The following SMOC1 variants were observed in gnomAD, a reference collection of about 807,000 sequenced individuals.
SMOC1 encodes the protein SPARC related modular calcium binding 1.
In SMOC1, 22 loss-of-function variants were observed where a neutral mutation model predicts 56.3. That is an observed-to-expected ratio of 0.39 (90% CI 0.28 to 0.56). The LOEUF (loss-of-function observed/expected upper bound fraction) is 0.56, where lower values mean the gene tolerates loss of function less well. Among genes scored for constraint, SMOC1 ranks in the 20% least tolerant of loss-of-function variants. The pLI is 0.61. For missense variants in SMOC1, 509 were observed against 565.4 expected (o/e 0.90, Z 1.01); for synonymous variants, 193 against 215.0 (o/e 0.90, Z 0.89).
chr14:70,001,610 G>A (rs1455810894), intron 7 of SMOC1, among the ~76,000 whole-genome samples: 1 of 152,170 alleles, frequency 6.6e-6, no homozygotes, highest in Non-Finnish European at 1.5e-5. Context: ...GTCAGCTACT[G>A]GAGTCCTGTT....
intron 1 of SMOC1, among the ~76,000 whole-genome samples, chr14:69,910,802 C>G (rs1884538449): frequency 6.6e-6 from 1 of 152,110 alleles, no homozygotes; most frequent in African/African-American, 2.4e-5. Context: ...AGGGATTAAC[C>G]CTGGATATTC....
intron 11 of SMOC1, among the ~76,000 whole-genome samples, chr14:70,023,884 T>A (rs1885831732): frequency 6.6e-6 from 1 of 151,928 alleles, no homozygotes; most frequent in Non-Finnish European, 1.5e-5. Flanking sequence ...CAGGGATTGC[T>A]CTATGCAGTC....
chr14:69,896,041 G>A (rs1345130676), intron 1 of SMOC1, among the ~76,000 whole-genome samples: 1 of 152,010 alleles, frequency 6.6e-6, no homozygotes, highest in Non-Finnish European at 1.5e-5. Flanking sequence ...ACACAGTCTT[G>A]CTATATTGTC....
chr14:69,989,450 G>T (rs776123909), intron 5 of SMOC1, among the ~76,000 whole-genome samples: 12 of 152,124 alleles, frequency 7.9e-5, no homozygotes, highest in Non-Finnish European at 1.5e-4. Flanking sequence ...TTTTAATTTT[G>T]TAAACCCAAT....
rs371120984 is a variant in SMOC1 at position 69,903,234 on chromosome 14, C to T, written c.99+23457C>T. Among the ~76,000 whole-genome samples, 317 of 152,226 alleles carry T rather than the reference C, an allele frequency of 2.1e-3. 1 individual carries two copies. The highest frequency in any genetic ancestry group is 7.1e-3 in the South Asian group (34 of 4,812). ...GGGGAGCCCCTCTGCCCCGCCGCCCCGTCTGGGATGTGAGGAGCGCCTCTG... is the reference window on the plus strand; with the variant it reads ...GGGGAGCCCCTCTGCCCCGCCGCCCTGTCTGGGATGTGAGGAGCGCCTCTG... On this transcript the variant is annotated intron_variant, in intron 1 of 11. Transcript: ENST00000361956.
intron 7 of SMOC1, among the ~76,000 whole-genome samples, chr14:70,000,733 T>C (rs1238950749): frequency 6.6e-6 from 1 of 152,218 alleles, no homozygotes; most frequent in Non-Finnish European, 1.5e-5. Context: ...CGGTCACCAC[T>C]TCAGACCATG....
intron 5 of SMOC1, among the ~76,000 whole-genome samples, chr14:69,981,572 T>C (rs908780296): frequency 6.6e-6 from 1 of 152,136 alleles, no homozygotes; most frequent in Non-Finnish European, 1.5e-5. Flanking sequence ...CATTCACATG[T>C]GTTTTATGGA....
At chr14:69,967,309 G>A (rs770033252) in intron 3 of SMOC1, among the ~76,000 whole-genome samples, 2 of 152,218 alleles carry the variant, frequency 1.3e-5, no homozygotes, top group African/African-American at 2.4e-5. Flanking sequence ...GGCATAAAGT[G>A]GGAGACAATG....
intron 1 of SMOC1, among the ~76,000 whole-genome samples, chr14:69,942,050 C>A: frequency 6.6e-6 from 1 of 152,212 alleles, no homozygotes; most frequent in East Asian, 1.9e-4. Context: ...CCTATCCTCT[C>A]TTTTCCTTTC....
At chr14:69,942,971 C>T (rs1404652670) in intron 1 of SMOC1, among the ~76,000 whole-genome samples, 1 of 152,176 alleles carries the variant, frequency 6.6e-6, no homozygotes, top group Non-Finnish European at 1.5e-5. Context: ...AGAGCCTTCT[C>T]CCCTGGGCCC....
At chr14:69,986,818 G>T (rs1192867905) in intron 5 of SMOC1, among the ~76,000 whole-genome samples, 1 of 152,158 alleles carries the variant, frequency 6.6e-6, no homozygotes, top group Non-Finnish European at 1.5e-5. Flanking sequence ...ACTTCTTTTG[G>T]GAGGGAACAT....
chr14:69,911,624 T>C (rs1450869969), intron 1 of SMOC1, among the ~76,000 whole-genome samples: 1 of 152,254 alleles, frequency 6.6e-6, no homozygotes, highest in African/African-American at 2.4e-5. Flanking sequence ...ATTTTGAGTC[T>C]GGCTGCTTTC....
At chr14:69,885,475 G>T in intron 1 of SMOC1, 1 of 1,600,768 alleles carries the variant, frequency 6.2e-7, no homozygotes. Context: ...AATTGGTCCT[G>T]ATAGCTTCCA....
chr14:69,999,844 C>T (rs1884903301), intron 7 of SMOC1, among the ~76,000 whole-genome samples: 1 of 152,196 alleles, frequency 6.6e-6, no homozygotes, highest in East Asian at 1.9e-4. Context: ...GCTCCTTTGC[C>T]CCATGTTGTC....
intron 7 of SMOC1, 96 bp downstream of exon 7, chr14:69,994,576 T>C: frequency 1.0e-5 from 10 of 964,422 alleles, no homozygotes; most frequent in Non-Finnish European, 1.7e-5. Flanking sequence ...GAAAAATCAT[T>C]TAATCTGTCT....
intron 3 of SMOC1, among the ~76,000 whole-genome samples, chr14:69,953,925 C>T (rs953555636): frequency 1.3e-5 from 2 of 152,240 alleles, no homozygotes; most frequent in Admixed American, 6.5e-5. Context: ...TTGCTACCCC[C>T]TGCCCTCCCT....
chr14:69,934,925 G>A (rs1885258103), intron 1 of SMOC1, among the ~76,000 whole-genome samples: 2 of 152,162 alleles, frequency 1.3e-5, no homozygotes, highest in African/African-American at 4.8e-5. Flanking sequence ...TACCTCTTGG[G>A]TGGTTGTCAG....
intron 11 of SMOC1, among the ~76,000 whole-genome samples, chr14:70,024,834 T>C (rs1418821684): frequency 1.3e-5 from 2 of 152,182 alleles, no homozygotes; most frequent in Non-Finnish European, 1.5e-5. Context: ...ATTGATAGTA[T>C]CAGTTTTTCT....
chr14:69,900,728 G>T (rs1332435695), intron 1 of SMOC1, among the ~76,000 whole-genome samples: 1 of 152,172 alleles, frequency 6.6e-6, no homozygotes, highest in Non-Finnish European at 1.5e-5. Context: ...AACACCCAAA[G>T]GCTCTCCTGT....
Sources: allele counts gnomAD v4.1 joint callset (sites outside exome capture counted in the v4.1 genomes callset), GRCh38; gene constraint gnomAD v4.1.1; transcripts MANE v1.5; gene names NCBI Gene and HGNC (gene_info 2026-07-23, HGNC 2026-07-21).